Variants in CAMKK1 observed in about 807,000 individuals in gnomAD.
CAMKK1 encodes calcium/calmodulin-dependent protein kinase kinase 1.
A neutral mutation model predicts 63.5 loss-of-function variants in CAMKK1; 20 were observed. The observed-to-expected ratio is 0.32, with a 90% confidence interval of 0.22 to 0.46. CAMKK1 has a LOEUF of 0.46. Among genes scored for constraint, CAMKK1 ranks in the 20% least tolerant of loss-of-function variants. CAMKK1 has a pLI of 1.00. For missense variants in CAMKK1, 588 were observed against 658.1 expected (o/e 0.89, Z 1.17); for synonymous variants, 253 against 269.0 (o/e 0.94, Z 0.58).
chr17:3,876,301 C>A lies in CAMKK1; in HGVS notation c.918G>T (p.Gln306His). 6.2e-7 allele frequency: 1 copy of A among 1,614,246 alleles called. No homozygotes were observed. The highest frequency in any genetic ancestry group is 8.5e-7 in the Non-Finnish European group (1 of 1,180,048). ...VSNQFEGNDAQLSSTAGTPAF... is the reference protein window; with the variant it reads ...VSNQFEGNDAHLSSTAGTPAF... Reference sequence around the variant, plus strand: ...CTGGGGTTCCCGCCGTGCTGGACAGCTGAGCGTCGTTCCCCTCAAACTGGT... The same window carrying A: ...CTGGGGTTCCCGCCGTGCTGGACAGATGAGCGTCGTTCCCCTCAAACTGGT... Residue 306 changes from glutamine (Q) to histidine (H), a missense_variant, in exon 10 of 16, where the codon CAG becomes CAT. Coordinates refer to ENST00000348335, the MANE Select transcript of CAMKK1 (RefSeq NM_032294.3).
At position 3,882,622 on chromosome 17, in the gene CAMKK1, C is replaced by T. The variant is rs919427914; in HGVS notation, c.649-58G>A. 15 of 1,500,904 alleles carry T rather than the reference C, an allele frequency of 1.0e-5. No individual in the cohort carries two copies. The highest frequency in any genetic ancestry group is 6.9e-5 in the African/African-American group (5 of 72,218). 93.0% of individuals were successfully genotyped at this position (1,500,904 alleles called of 1,614,324 possible). ...TTGAGGAGGCGTGGGGTTGGAGGTC[C>T]CAGGCCTCCTGGTCCTTGCCAGCCC... On this transcript the variant is annotated intron_variant, in intron 6 of 15. Transcript: ENST00000348335. This position sits in a 1 kb window ranked among gnomAD's most constrained non-coding sequence, Gnocchi z 4.3.
At chr17:3,869,780 C>T (rs755899330) in intron 13 of CAMKK1, 21 bp downstream of exon 13, 1 of 1,612,272 alleles carries the variant, frequency 6.2e-7, no homozygotes, top group Non-Finnish European at 8.5e-7. Flanking sequence ...CAGCCCAGCC[C>T]AAGACCCCCA....
intron 15 of CAMKK1, among the ~76,000 whole-genome samples, chr17:3,863,511 CAAAA>C (rs1045440576): frequency 2.0e-5 from 3 of 151,822 alleles, no homozygotes; most frequent in Non-Finnish European, 2.9e-5. Flanking sequence ...AACAAACAAA[CAAAA>C]AACCAAAGCA....
intron 8 of CAMKK1, among the ~76,000 whole-genome samples, chr17:3,881,362 C>G (rs2055404156): frequency 6.6e-6 from 1 of 152,368 alleles, no homozygotes; most frequent in Non-Finnish European, 1.5e-5. Context: ...TCTTCCCCCT[C>G]TCCTCCATCC....
chr17:3,882,891 C>T lies in CAMKK1; in HGVS notation c.648+151G>A, dbSNP rs1177605199. On this transcript the variant is annotated intron_variant, in intron 6 of 15. Coordinates refer to ENST00000348335, the MANE Select transcript of CAMKK1 (RefSeq NM_032294.3). This position sits in a 1 kb window ranked among gnomAD's most constrained non-coding sequence, Gnocchi z 4.3. ...GGGCCCCCAAAGCCTTCCTGCAGCCCCACCCCAAGTCTGGCCCTGTCCTCA... is the reference window on the plus strand; with the variant it reads ...GGGCCCCCAAAGCCTTCCTGCAGCCTCACCCCAAGTCTGGCCCTGTCCTCA... 1.3e-5 allele frequency: 13 copies of T among 1,036,036 alleles called. No homozygotes were observed. The highest frequency in any genetic ancestry group is 1.7e-5 in the Non-Finnish European group (12 of 722,840). 64.2% of individuals were successfully genotyped at this position (1,036,036 alleles called of 1,614,324 possible).
At chr17:3,874,032 C>T (rs536679035) in intron 10 of CAMKK1, among the ~76,000 whole-genome samples, 5 of 152,208 alleles carry the variant, frequency 3.3e-5, no homozygotes, top group Admixed American at 6.5e-5. Flanking sequence ...TGCTCCGGAA[C>T]GCCACCTCTT....
In CAMKK1 at chr17:3,868,421, A is replaced by G. The variant is rs11657582; in HGVS notation, c.1341+1066T>C. 1.2e-3 allele frequency among the ~76,000 whole-genome samples: 121 copies of G among 98,254 alleles called. 1 individual carries two copies. The highest frequency in any genetic ancestry group is 5.5e-3 in the South Asian group (12 of 2,174). 64.5% of individuals were successfully genotyped at this position (98,254 alleles called of 152,430 possible). ...CTGATATGTGGGCTCTGGGGGAGAC[A>G]CAGGTGCTGCCTAACTGATACGTGG... On this transcript the variant is annotated intron_variant, in intron 14 of 15. Coordinates refer to ENST00000348335, the MANE Select transcript of CAMKK1 (RefSeq NM_032294.3).
chr17:3,867,591 A>G lies in CAMKK1; in HGVS notation c.1342-1580T>C, dbSNP rs764169988. ...GTCTGAGAGAGAGGAGATGGTGGCT[A>G]AGATCAGGCAAGTGGTCATGGGGAC... is the stretch of plus-strand genomic sequence containing the variant. On this transcript the variant is annotated intron_variant, in intron 14 of 15. Transcript: ENST00000348335. Among the ~76,000 whole-genome samples, 49 of 152,260 alleles carry G rather than the reference A, an allele frequency of 3.2e-4. 1 individual carries two copies. Among genetic ancestry groups the G allele is most frequent in the Admixed American group, 1.8e-3 (27 of 15,294 alleles).
At chr17:3,880,197 C>T (rs1024823556) in intron 9 of CAMKK1, 149 bp downstream of exon 9, 24 of 668,722 alleles carry the variant, frequency 3.6e-5, no homozygotes, top group African/African-American at 3.4e-4. Context: ...CCTTTGGCCC[C>T]GCCACACGTG....
rs919206286 is a variant in CAMKK1, at chr17:3,883,091, A to G, written c.599T>C (p.Ile200Thr). ...GTGGTCCAGCTTCTTCAGGATGGCAATCTCCTGGTACACCCGCTCCAGGGG... is the reference window on the plus strand; with the variant it reads ...GTGGTCCAGCTTCTTCAGGATGGCAGTCTCCTGGTACACCCGCTCCAGGGG... ...LLPLERVYQEIAILKKLDHVN... is the reference protein window; with the variant it reads ...LLPLERVYQETAILKKLDHVN... The change falls in exon 6 of 16, where the codon ATT (isoleucine) becomes ACT (threonine). Residue 200 changes from isoleucine to threonine, a missense_variant. Ile to Thr is a moderately conservative substitution (Grantham distance 89). Around this residue, in one of 3 missense-constraint regions of CAMKK1, gnomAD observed 357 missense variants for 407.4 expected, o/e 0.88. Transcript: ENST00000348335. This position sits in a 1 kb window ranked among gnomAD's most constrained non-coding sequence, Gnocchi z 4.7. The G allele has an allele frequency of 3.7e-6, 6 of 1,613,608 alleles. No homozygotes were observed. The highest frequency in any genetic ancestry group is 5.1e-6 in the Non-Finnish European group (6 of 1,179,946).
Position 3,862,627 on chromosome 17 carries a change from G to A in CAMKK1, c.1446-344C>T, listed in dbSNP as rs2054368651. On this transcript the variant is annotated intron_variant, in intron 15 of 15. Transcript: ENST00000348335. This position sits in a 1 kb window ranked among gnomAD's most constrained non-coding sequence, Gnocchi z 4.1. The stretch of plus-strand genomic sequence containing the variant: ...CTAATCAAGGGCCTTCTCTCTGTGT[G>A]TGTGGTTTTGTTGTTGTTTTGAGAC... Among the ~76,000 whole-genome samples the A allele has an allele frequency of 6.6e-6, 1 of 152,162 alleles. No individual in the cohort carries two copies. Among genetic ancestry groups the A allele is most frequent in the South Asian group, 2.1e-4 (1 of 4,834 alleles).
chr17:3,867,822 A>AG (rs1213681092), intron 14 of CAMKK1, among the ~76,000 whole-genome samples: 1 of 152,196 alleles, frequency 6.6e-6, no homozygotes, highest in Admixed American at 6.5e-5. Flanking sequence ...GGGGCAGGGC[A>AG]GGGCTCTCAG....
Position 3,869,644 on chromosome 17 carries a change from G to C in CAMKK1, c.1213-29C>G. ...TCGGGGCCGGGAGGGCAGGGAGAGG[G>C]GGAGAGGTCAGGCCATTACCAGAAT... On this transcript the variant is annotated intron_variant, in intron 13 of 15. Transcript: ENST00000348335. The C allele has an allele frequency of 1.9e-6, 3 of 1,613,986 alleles. No individual in the cohort carries two copies. In the South Asian group the frequency reaches 3.3e-5, roughly 18 times the overall value.
chr17:3,871,332 TG>T (rs780791909), intron 12 of CAMKK1, among the ~76,000 whole-genome samples: 5 of 105,322 alleles, frequency 4.7e-5, no homozygotes, highest in African/African-American at 9.1e-5. Context: ...TGTTGTTTTT[TG>T]TTTTTTTTTT....
intron 2 of CAMKK1, 126 bp downstream of exon 2, chr17:3,885,202 C>G (rs1016824978): frequency 5.2e-5 from 59 of 1,130,270 alleles, no homozygotes; most frequent in Non-Finnish European, 7.0e-5. Context: ...AGGTAGTGAT[C>G]TCCCCAGCTC....
At chr17:3,869,111 C>A (rs8078283) in intron 14 of CAMKK1, among the ~76,000 whole-genome samples, 1 of 151,288 alleles carries the variant, frequency 6.6e-6, no homozygotes, top group African/African-American at 2.4e-5. Flanking sequence ...TGGGACTACA[C>A]GCGCCCGCCA....
Position 3,871,498 on chromosome 17 carries a change from GCACC to G in CAMKK1, c.1124+1052_1124+1055del, listed in dbSNP as rs1183105911. ...GCCTCTCGAGTAGCTGGGACTACAG[GCACC>G]CGCCACCACGCCCGGCTAATTTTTT... is the stretch of plus-strand genomic sequence containing the variant. On this transcript the variant is annotated intron_variant, in intron 12 of 15. Coordinates refer to ENST00000348335, the MANE Select transcript of CAMKK1 (RefSeq NM_032294.3). Among the ~76,000 whole-genome samples, 456 of 144,990 alleles carry G rather than the reference GCACC, an allele frequency of 3.1e-3. 15 individuals are homozygous for G. Among genetic ancestry groups the G allele is most frequent in the African/African-American group, 0.011 (424 of 36,934 alleles).
At chr17:3,875,152 T>C (rs2055089093) in intron 10 of CAMKK1, among the ~76,000 whole-genome samples, 1 of 152,126 alleles carries the variant, frequency 6.6e-6, no homozygotes, top group Admixed American at 6.5e-5. Context: ...AAAAAGCCAG[T>C]GGGACAAAAT....
Position 3,885,648 on chromosome 17 carries a change from C to T in CAMKK1, c.40G>A (p.Ala14Thr). The T allele has an allele frequency of 1.2e-6, 2 of 1,613,728 alleles. No homozygotes were observed. The highest frequency in any genetic ancestry group is 1.3e-5 in the African/African-American group (1 of 75,058). ...GPAVCCQDPRAELVERVAAID... is the reference protein window; with the variant it reads ...GPAVCCQDPRTELVERVAAID... ...GCTGCCACCCGTTCTACCAGCTCTG[C>T]CCGAGGATCCTGGCAGCAGACAGCT... is the stretch of plus-strand genomic sequence containing the variant. Residue 14 changes from alanine to threonine, a missense_variant, in exon 2 of 16, where the codon GCA (alanine) becomes ACA (threonine). Ala to Thr is a moderately conservative substitution (Grantham distance 58). Coordinates refer to ENST00000348335, the MANE Select transcript of CAMKK1 (RefSeq NM_032294.3).
Sources: gnomAD v4.1 joint callset for allele counts (sites outside exome capture counted in the v4.1 genomes callset) on GRCh38, gnomAD v4.1.1 for gene constraint, gnomAD v4.1.1 regional missense constraint, Gnocchi (gnomAD v3.1) non-coding constraint, MANE v1.5 for transcripts, NCBI Gene and HGNC (gene_info 2026-07-23, HGNC 2026-07-21) for gene names.